UNC5D: variants seen among roughly 807,000 people sequenced by gnomAD.
The protein encoded by UNC5D is netrin receptor UNC5D.
Under a neutral mutation model 105.4 loss-of-function variants are expected in UNC5D, and 39 were observed. The ratio of observed to expected loss-of-function variants is 0.37; its 90% CI spans 0.29 to 0.48. The LOEUF (loss-of-function observed/expected upper bound fraction) is 0.48. Among genes scored for constraint, UNC5D ranks in the 20% least tolerant of loss-of-function variants. The pLI is 0.98. For synonymous variants in UNC5D, 452 were observed against 450.4 expected (o/e 1.00, Z -0.04); for missense variants, 991 against 1,202.4 (o/e 0.82, Z 2.60).
intron 14 of UNC5D, among the ~76,000 whole-genome samples, chr8:35,763,343 G>C (rs1252894520): frequency 6.6e-6 from 1 of 151,872 alleles, no homozygotes; most frequent in Non-Finnish European, 1.5e-5. Context: ...CTCTGCAGTA[G>C]GCATTACTCT....
Position 35,246,537 on chromosome 8 carries a change from G to A in UNC5D, c.103+10650G>A, listed in dbSNP as rs375420095. On this transcript the variant is annotated intron_variant, in intron 1 of 16. Coordinates refer to ENST00000404895, the MANE Select transcript of UNC5D (RefSeq NM_080872.4). The stretch of plus-strand genomic sequence containing the variant: ...GCACCCTCTGCCATAGCTCACCATT[G>A]CTCAGTTGGGTGTATGGGACCCCTC... Among the ~76,000 whole-genome samples, 7 of 152,188 alleles carry A rather than the reference G, an allele frequency of 4.6e-5. No homozygotes were observed. The East Asian group carries it at 1.2e-3, about 25-fold the overall frequency.
intron 12 of UNC5D, 49 bp from the exon 13 acceptor site, chr8:35,750,533 G>A: frequency 1.9e-6 from 3 of 1,574,150 alleles, no homozygotes; most frequent in Non-Finnish European, 2.6e-6. Flanking sequence ...ATAAAGGTTA[G>A]ATCACATCTT....
chr8:35,532,321 G>C (rs1223631600), intron 1 of UNC5D, among the ~76,000 whole-genome samples: 1 of 151,020 alleles, frequency 6.6e-6, no homozygotes, highest in Non-Finnish European at 1.5e-5. Context: ...AGTTTGGCTG[G>C]ATATGAAATT....
At chr8:35,475,996 C>A (rs1275611861) in intron 1 of UNC5D, among the ~76,000 whole-genome samples, 1 of 152,114 alleles carries the variant, frequency 6.6e-6, no homozygotes, top group East Asian at 1.9e-4. Context: ...AGATTGAAAG[C>A]CTTTTGAGGA....
chr8:35,623,807 G>A (rs1000026505), intron 4 of UNC5D, among the ~76,000 whole-genome samples: 2 of 152,080 alleles, frequency 1.3e-5, no homozygotes, highest in Non-Finnish European at 2.9e-5. Context: ...ATGGCCGGGC[G>A]CAGTGGCTCA....
rs1828861377 is a variant in UNC5D, at chr8:35,726,268, C to T, written c.1420C>T (p.Leu474Phe). The T allele has an allele frequency of 1.2e-6, 2 of 1,614,020 alleles. No homozygotes were observed. The highest frequency in any genetic ancestry group is 1.7e-5 in the Admixed American group (1 of 59,990). ...CAAGGAGCTCATGACAGAGTCCTCA[C>T]TCTTTAACCCTTTGTCGGACATCAA... ...LDKELMTESSLFNPLSDIKVK... is the reference protein window; with the variant it reads ...LDKELMTESSFFNPLSDIKVK... Residue 474 changes from leucine to phenylalanine, a missense_variant, in exon 10 of 17, where the codon CTC becomes TTC. This residue lies in a region of UNC5D where 944 missense variants were observed against 1,131.6 expected (regional missense o/e 0.83). Transcript: ENST00000404895.
chr8:35,470,544 C>A (rs1331871605), intron 1 of UNC5D, among the ~76,000 whole-genome samples: 1 of 146,128 alleles, frequency 6.8e-6, no homozygotes, highest in Non-Finnish European at 1.5e-5. Flanking sequence ...TCACCTGAGT[C>A]TAAGAGATTG....
chr8:35,396,552 CA>C (rs1804113712), intron 1 of UNC5D, among the ~76,000 whole-genome samples: 1 of 151,836 alleles, frequency 6.6e-6, no homozygotes, highest in African/African-American at 2.4e-5. Flanking sequence ...GGCTGGAATG[CA>C]GTGGTGCGAT....
At position 35,719,139 on chromosome 8, in the gene UNC5D, TATAC is replaced by T. The variant is rs1274354035; in HGVS notation, c.1118-3069_1118-3066del. On this transcript the variant is annotated intron_variant, in intron 8 of 16. Coordinates refer to ENST00000404895, the MANE Select transcript of UNC5D (RefSeq NM_080872.4). ...GGCACTGCTTACATGCACATGTGCT[TATAC>T]ACACACACACACACACACACACACA... 7.4e-5 allele frequency among the ~76,000 whole-genome samples: 5 copies of T among 67,248 alleles called. No homozygotes were observed. In the South Asian group the frequency reaches 2.3e-3, roughly 30 times the overall value. 44.1% of individuals were successfully genotyped at this position (67,248 alleles called of 152,430 possible). A position where few individuals can be genotyped will look rare whatever the true frequency, so the allele number is the denominator to read the frequency against.
At chr8:35,669,896 T>C (rs1824666632) in intron 4 of UNC5D, among the ~76,000 whole-genome samples, 1 of 152,120 alleles carries the variant, frequency 6.6e-6, no homozygotes, top group Admixed American at 6.6e-5. Context: ...GAGTAGTAAG[T>C]CTCTGAGTAC....
intron 1 of UNC5D, among the ~76,000 whole-genome samples, chr8:35,369,025 T>C (rs1802285624): frequency 6.6e-6 from 1 of 152,232 alleles, no homozygotes. Context: ...CCTAAGACTT[T>C]ATCATATTAA....
At chr8:35,733,566 G>A (rs1829307374) in intron 11 of UNC5D, among the ~76,000 whole-genome samples, 1 of 152,172 alleles carries the variant, frequency 6.6e-6, no homozygotes, top group South Asian at 2.1e-4. Context: ...TTCATCATGA[G>A]AACTGGATTT....
intron 1 of UNC5D, among the ~76,000 whole-genome samples, chr8:35,248,973 A>T (rs1803459893): frequency 1.1e-5 from 1 of 89,442 alleles, no homozygotes; most frequent in Non-Finnish European, 1.9e-5. Flanking sequence ...TATATATTAT[A>T]TATTTTTATA....
chr8:35,429,657 C>T (rs892117399), intron 1 of UNC5D, among the ~76,000 whole-genome samples: 3 of 152,034 alleles, frequency 2.0e-5, no homozygotes, highest in Admixed American at 6.6e-5. Context: ...TATAACAGTG[C>T]AATTTGTGCA....
chr8:35,296,119 G>A (rs776087630), intron 1 of UNC5D, among the ~76,000 whole-genome samples: 9 of 152,132 alleles, frequency 5.9e-5, no homozygotes, highest in Admixed American at 3.3e-4. Flanking sequence ...ATGCTACAGC[G>A]ATCATGGAAG....
chr8:35,696,308 G>A (rs1462448711), intron 7 of UNC5D, among the ~76,000 whole-genome samples: 1 of 94,106 alleles, frequency 1.1e-5, no homozygotes, highest in Admixed American at 1.2e-4. Context: ...TTTTTTTGCT[G>A]TCAGTTATGA....
At chr8:35,293,222 C>G (rs1400886072) in intron 1 of UNC5D, among the ~76,000 whole-genome samples, 1 of 152,006 alleles carries the variant, frequency 6.6e-6, no homozygotes, top group Non-Finnish European at 1.5e-5. Flanking sequence ...GAGAGGCAGG[C>G]ACATTTGATG....
At chr8:35,715,150 T>C (rs1828184608) in intron 8 of UNC5D, among the ~76,000 whole-genome samples, 1 of 152,004 alleles carries the variant, frequency 6.6e-6, no homozygotes, top group South Asian at 2.1e-4. Context: ...AAACTCTGTC[T>C]CAAAAAAACA....
intron 3 of UNC5D, among the ~76,000 whole-genome samples, chr8:35,571,376 A>G (rs1201772408): frequency 1.3e-5 from 2 of 152,242 alleles, no homozygotes; most frequent in South Asian, 2.1e-4. Context: ...TTTGCAACAC[A>G]TACTTAGTTT....
Sources: allele counts gnomAD v4.1 joint callset (sites outside exome capture counted in the v4.1 genomes callset), GRCh38; gene constraint gnomAD v4.1.1; regional missense constraint gnomAD v4.1.1; transcripts MANE v1.5; gene names NCBI Gene and HGNC (gene_info 2026-07-23, HGNC 2026-07-21).